The following NBAS variants were observed in gnomAD, a reference collection of about 807,000 sequenced individuals.
NBAS encodes the protein NAG/BC035112 fusion.
Under a neutral mutation model 302.5 loss-of-function variants are expected in NBAS, and 219 were observed. The observed-to-expected ratio is 0.72, with a 90% CI of 0.65 to 0.81. The LOEUF is 0.81. Among genes scored for constraint, NBAS ranks in the 30% least tolerant of loss-of-function variants. NBAS has a pLI of 0.00. For missense variants in NBAS, 2,932 were observed against 2,841.6 expected (o/e 1.03, Z -0.72); for synonymous variants, 1,118 against 1,021.6 (o/e 1.09, Z -1.80).
the NBAS span, among the ~76,000 whole-genome samples, chr2:15,102,966 G>A: frequency 8.3e-6 from 1 of 120,138 alleles, no homozygotes; most frequent in African/African-American, 3.7e-5. Flanking sequence ...GCTACATGGG[G>A]AGGCATTAAG....
the NBAS span, among the ~76,000 whole-genome samples, chr2:14,863,915 A>G: frequency 6.6e-6 from 1 of 152,252 alleles, no homozygotes; most frequent in African/African-American, 2.4e-5. Context: ...CCTTGGTCTC[A>G]TATCAGTTCT....
At chr2:15,111,458 C>A in the NBAS span, among the ~76,000 whole-genome samples, 1 of 152,102 alleles carries the variant, frequency 6.6e-6, no homozygotes, top group Admixed American at 6.6e-5. Flanking sequence ...ACTGGTGGAT[C>A]TAACAACTGT....
At chr2:15,192,351 T>C (rs2125144446) in intron 48 of NBAS, among the ~76,000 whole-genome samples, 1 of 151,964 alleles carries the variant, frequency 6.6e-6, no homozygotes, top group South Asian at 2.1e-4. Flanking sequence ...GACATACATA[T>C]GAATGAATGA....
chr2:15,290,812 T>C (rs1029588799), intron 41 of NBAS, among the ~76,000 whole-genome samples: 4 of 152,210 alleles, frequency 2.6e-5, no homozygotes, highest in African/African-American at 9.6e-5. Context: ...CTCTTCTTAA[T>C]TGAGACCAGC....
intron 9 of NBAS, among the ~76,000 whole-genome samples, chr2:15,520,117 A>G (rs1178194284): frequency 2.0e-5 from 3 of 152,162 alleles, no homozygotes; most frequent in Non-Finnish European, 4.4e-5. Context: ...AGAAGTATGG[A>G]AAGGCCAGGC....
At chr2:15,231,495 CCT>C (rs754717017) in intron 47 of NBAS, among the ~76,000 whole-genome samples, 9 of 152,164 alleles carry the variant, frequency 5.9e-5, no homozygotes, top group Non-Finnish European at 1.0e-4. Context: ...CAAGTCAACT[CCT>C]CTCTCTGAGC....
chr2:14,980,109 A>G, the NBAS span, among the ~76,000 whole-genome samples: 4 of 152,186 alleles, frequency 2.6e-5, no homozygotes, highest in African/African-American at 9.6e-5. Context: ...GAAGCCAGTA[A>G]TGCTGCAGAA....
In NBAS at chr2:15,415,559, T is replaced by A. The variant is rs551755014; in HGVS notation, c.2924A>T (p.His975Leu). The A allele has an allele frequency of 6.2e-7, 1 of 1,614,096 alleles. No homozygotes were observed. Among genetic ancestry groups the A allele is most frequent in the Admixed American group, 1.7e-5 (1 of 60,028 alleles). The change falls in exon 25 of 52, where the codon CAT becomes CTT. Residue 975 changes from histidine (H) to leucine (L), a missense_variant. Transcript: ENST00000281513. ...DLKFPLKIFQ[H>L]SKPDLQQKII... Reference sequence around the variant, plus strand: ...GTTTCTACTTACATCTGGTTTGGAATGCTGAAATATCTTCAGGGGAAATTT... The same window carrying A: ...GTTTCTACTTACATCTGGTTTGGAAAGCTGAAATATCTTCAGGGGAAATTT...
chr2:15,006,181 G>A, the NBAS span, among the ~76,000 whole-genome samples: 1 of 152,040 alleles, frequency 6.6e-6, no homozygotes, highest in Non-Finnish European at 1.5e-5. Context: ...TAATGAGCAC[G>A]TATTATAATA....
chr2:15,044,909 AT>A, the NBAS span, among the ~76,000 whole-genome samples: 1 of 152,186 alleles, frequency 6.6e-6, no homozygotes, highest in Admixed American at 6.5e-5. Flanking sequence ...ACATAAATAC[AT>A]TTGCTAGTAC....
At chr2:15,294,186 TG>T (rs750600429) in intron 40 of NBAS, among the ~76,000 whole-genome samples, 9 of 152,190 alleles carry the variant, frequency 5.9e-5, no homozygotes, top group Non-Finnish European at 2.9e-5. Flanking sequence ...TAGGGTGCTC[TG>T]GGAATACACA....
the NBAS span, among the ~76,000 whole-genome samples, chr2:14,838,283 TAAATA>T: frequency 6.6e-6 from 1 of 152,098 alleles, no homozygotes; most frequent in African/African-American, 2.4e-5. Flanking sequence ...TGCTCTATTC[TAAATA>T]TTGTCTTCTG....
At chr2:14,888,154 G>A in the NBAS span, among the ~76,000 whole-genome samples, 83 of 152,132 alleles carry the variant, frequency 5.5e-4, 1 homozygote, top group East Asian at 2.9e-3. Flanking sequence ...TTTTTGAAAC[G>A]GAGTCTCACT....
the NBAS span, among the ~76,000 whole-genome samples, chr2:14,856,469 C>T: frequency 6.6e-6 from 1 of 150,530 alleles, no homozygotes; most frequent in Non-Finnish European, 1.5e-5. Flanking sequence ...TACCAGGGAC[C>T]AATCCTGGAG....
intron 28 of NBAS, among the ~76,000 whole-genome samples, chr2:15,388,072 G>C (rs1449725191): frequency 6.6e-6 from 1 of 152,056 alleles, no homozygotes; most frequent in Non-Finnish European, 1.5e-5. Context: ...AATTTTTATG[G>C]GGAATGCAGG....
the NBAS span, among the ~76,000 whole-genome samples, chr2:15,124,404 T>C: frequency 3.9e-5 from 6 of 152,190 alleles, no homozygotes; most frequent in South Asian, 1.2e-3. Context: ...AAAGAGAGCA[T>C]ACAAGTTTGG....
chr2:15,352,943 G>A (rs1031454572), intron 34 of NBAS, among the ~76,000 whole-genome samples: 4 of 152,040 alleles, frequency 2.6e-5, no homozygotes, highest in African/African-American at 4.8e-5. Flanking sequence ...TCTGATGGTC[G>A]CCTGACTTTC....
chr2:14,981,038 T>C, the NBAS span, among the ~76,000 whole-genome samples: 2 of 149,712 alleles, frequency 1.3e-5, no homozygotes, highest in Non-Finnish European at 3.0e-5. Context: ...ATCTAATAAC[T>C]CCTGTAAAAA....
the NBAS span, among the ~76,000 whole-genome samples, chr2:14,832,131 C>A: frequency 1.3e-5 from 2 of 152,126 alleles, no homozygotes; most frequent in Non-Finnish European, 2.9e-5. Flanking sequence ...CCTCTTTCCC[C>A]CACCCTCCAC....
Sources: gnomAD v4.1 joint callset for allele counts (sites outside exome capture counted in the v4.1 genomes callset) on GRCh38, gnomAD v4.1.1 for gene constraint, MANE v1.5 for transcripts, NCBI Gene and HGNC (gene_info 2026-07-23, HGNC 2026-07-21) for gene names.